The following CAPN3 variants were observed in gnomAD, a reference collection of about 807,000 sequenced individuals.
CAPN3 encodes calpain 3, also known as calpain-3.
CAPN3 carries 88 observed loss-of-function variants against 114.0 expected under a neutral mutation model. That is an observed-to-expected ratio of 0.77 (90% CI 0.65 to 0.92). The LOEUF (loss-of-function observed/expected upper bound fraction) is 0.92. Ranked by LOEUF, CAPN3 falls within the 40% of genes least tolerant of loss-of-function variation. CAPN3 has a pLI of 0.00. For missense variants in CAPN3, 1,028 were observed against 1,069.0 expected (o/e 0.96, Z 0.53); for synonymous variants, 386 against 382.9 (o/e 1.01, Z -0.09).
chr15:42,397,080 C>A (rs2053716007), intron 9 of CAPN3, among the ~76,000 whole-genome samples: 1 of 152,186 alleles, frequency 6.6e-6, no homozygotes, highest in Non-Finnish European at 1.5e-5. Flanking sequence ...CAGGACCAGG[C>A]CAACATGACA....
At chr15:42,372,266 T>TCTCCTGC (rs2052970946) in intron 1 of CAPN3, among the ~76,000 whole-genome samples, 1 of 152,116 alleles carries the variant, frequency 6.6e-6, no homozygotes, top group Non-Finnish European at 1.5e-5. Context: ...TTCAAGCAAT[T>TCTCCTGC]CTCCTGCCTC....
chr15:42,407,118 G>A (rs762363249), intron 15 of CAPN3, among the ~76,000 whole-genome samples: 9 of 152,152 alleles, frequency 5.9e-5, no homozygotes, highest in Non-Finnish European at 1.2e-4. Context: ...CGCATCCACA[G>A]TGTTGGCACC....
At chr15:42,383,120 A>T (rs2141152029) in intron 1 of CAPN3, among the ~76,000 whole-genome samples, 1 of 152,294 alleles carries the variant, frequency 6.6e-6, no homozygotes, top group South Asian at 2.1e-4. Flanking sequence ...GGGGTGTAGC[A>T]TAAGCAAGAC....
intron 11 of CAPN3, 28 bp downstream of exon 11, chr15:42,401,838 A>C: frequency 1.9e-6 from 3 of 1,603,746 alleles, no homozygotes; most frequent in Non-Finnish European, 1.7e-6. Flanking sequence ...GCTCCAGCCC[A>C]GGAAACATAC....
intron 1 of CAPN3, among the ~76,000 whole-genome samples, chr15:42,374,986 A>ATTT (rs2053050804): frequency 3.0e-5 from 4 of 134,026 alleles, no homozygotes; most frequent in Non-Finnish European, 6.3e-5. Context: ...TTTAAATAAA[A>ATTT]ATTTATTTAT....
In CAPN3 at chr15:42,412,251, C is replaced by A; in HGVS notation, c.*478C>A. The A allele has an allele frequency of 6.9e-7, 1 of 1,439,078 alleles. No individual in the cohort carries two copies. Among genetic ancestry groups the A allele is most frequent in the South Asian group, 1.2e-5 (1 of 80,706 alleles). The allele number at this position is 1,439,078 out of a possible 1,614,324, so 89.1% of individuals were successfully genotyped here. ...AATAGGGCTGGTTACTTTGGGCTGT[C>A]CAACTCATAAGTTTGGCTGCATTTT... On this transcript the variant is annotated 3_prime_UTR_variant, in exon 24 of 24. Coordinates refer to ENST00000397163, the MANE Select transcript of CAPN3 (RefSeq NM_000070.3).
At chr15:42,403,878 A>C in intron 14 of CAPN3, 101 bp downstream of exon 14, 1 of 1,055,912 alleles carries the variant, frequency 9.5e-7, no homozygotes, top group Admixed American at 1.7e-5. Context: ...TGGCAGAGGG[A>C]ATGGGAGTCT....
chr15:42,400,305 C>T, intron 10 of CAPN3, among the ~76,000 whole-genome samples: 1 of 152,096 alleles, frequency 6.6e-6, no homozygotes, highest in East Asian at 1.9e-4. Flanking sequence ...ATGATGAAAA[C>T]CTAGACCAAG....
chr15:42,388,341 G>C (rs1467383066), intron 4 of CAPN3, among the ~76,000 whole-genome samples: 2 of 152,182 alleles, frequency 1.3e-5, no homozygotes, highest in African/African-American at 2.4e-5. Flanking sequence ...GTCTCACTCT[G>C]TAATGCAGGC....
At chr15:42,361,310 A>G (rs1251434559) in intron 1 of CAPN3, among the ~76,000 whole-genome samples, 4 of 152,060 alleles carry the variant, frequency 2.6e-5, no homozygotes, top group Non-Finnish European at 4.4e-5. Flanking sequence ...TTTTGTACTA[A>G]AAATTCAAAA....
Position 42,402,139 on chromosome 15 carries a change from T to C in CAPN3, c.1536+4T>C. On this transcript the variant is annotated splice_donor_region_variant and intron_variant, in intron 12 of 23. Coordinates refer to ENST00000397163, the MANE Select transcript of CAPN3 (RefSeq NM_000070.3). ...TCTTCTCAAGGTTCCCAAAGAGGTA[T>C]AGCAGCAGCAGCGGCCAGCAGTTGT... 2 of 1,614,072 alleles carry C rather than the reference T, an allele frequency of 1.2e-6. No individual in the cohort carries two copies. The highest frequency in any genetic ancestry group is 1.7e-6 in the Non-Finnish European group (2 of 1,180,024).
intron 8 of CAPN3, 65 bp from the exon 9 acceptor site, chr15:42,396,735 C>G: frequency 8.0e-7 from 1 of 1,250,126 alleles, no homozygotes; most frequent in South Asian, 1.2e-5. Context: ...CTGATACCTC[C>G]TGTCCCAACC....
chr15:42,383,537 C>G lies in CAPN3; in HGVS notation c.310-946C>G, dbSNP rs183192945. On this transcript the variant is annotated intron_variant, in intron 1 of 23. Coordinates refer to ENST00000397163, the MANE Select transcript of CAPN3 (RefSeq NM_000070.3). Reference sequence around the variant, plus strand: ...CTGGGAGGCAGAGTTTGCAGTGAGCCGAGATCGCGCCACTGTACTCCAGCC... The same window carrying G: ...CTGGGAGGCAGAGTTTGCAGTGAGCGGAGATCGCGCCACTGTACTCCAGCC... 4.3e-3 allele frequency among the ~76,000 whole-genome samples: 654 copies of G among 152,190 alleles called. 1 individual carries two copies. Among genetic ancestry groups the G allele is most frequent in the Middle Eastern group, 0.017 (5 of 294 alleles).
intron 15 of CAPN3, among the ~76,000 whole-genome samples, chr15:42,406,415 T>C (rs2054023479): frequency 6.6e-6 from 1 of 152,026 alleles, no homozygotes; most frequent in South Asian, 2.1e-4. Context: ...ATCACAGGGG[T>C]CCTCCAGGTA....
intron 8 of CAPN3, among the ~76,000 whole-genome samples, chr15:42,396,583 T>C (rs2053699538): frequency 6.6e-6 from 1 of 151,996 alleles, no homozygotes; most frequent in African/African-American, 2.4e-5. Context: ...AAAAGAAGGA[T>C]CAAGCCCTCA....
intron 10 of CAPN3, among the ~76,000 whole-genome samples, chr15:42,401,437 A>G (rs1041375368): frequency 1.3e-5 from 2 of 148,774 alleles, no homozygotes; most frequent in Non-Finnish European, 3.0e-5. Context: ...AAAGCCACAC[A>G]TACAATCAGT....
intron 10 of CAPN3, among the ~76,000 whole-genome samples, 173 bp from the exon 11 acceptor site, chr15:42,401,468 G>A (rs2141198565): frequency 7.9e-6 from 1 of 126,424 alleles, no homozygotes; most frequent in East Asian, 2.3e-4. Flanking sequence ...CTGAATAAAG[G>A]TAGCGCCCCC....
rs80338802 is a variant in CAPN3, at chr15:42,410,926, G to A, written c.2306G>A (p.Arg769Gln). ...NNQLYDIITM[R>Q]YADKHMNIDF... is the part of the protein sequence containing the mutation. ...CAGCTCTATGACATCATTACCATGCGGTACGCAGACAAACACATGAACATC... is the reference window on the plus strand; with the variant it reads ...CAGCTCTATGACATCATTACCATGCAGTACGCAGACAAACACATGAACATC... The change falls in exon 22 of 24, where the codon CGG becomes CAG. Residue 769 changes from arginine to glutamine, a missense_variant. Arg to Gln is a conservative substitution (Grantham distance 43). Coordinates refer to ENST00000397163, the MANE Select transcript of CAPN3 (RefSeq NM_000070.3). 53 of 1,614,058 alleles carry A rather than the reference G, an allele frequency of 3.3e-5. No homozygotes were observed. The highest frequency in any genetic ancestry group is 5.3e-5 in the African/African-American group (4 of 74,918).
intron 1 of CAPN3, among the ~76,000 whole-genome samples, chr15:42,362,794 A>T (rs751180021): frequency 1.2e-4 from 18 of 152,178 alleles, no homozygotes; most frequent in Non-Finnish European, 2.1e-4. Context: ...GAACTTTCTG[A>T]CTGTAAAGCA....
Sources: gnomAD v4.1 joint callset for allele counts (sites outside exome capture counted in the v4.1 genomes callset) on GRCh38, gnomAD v4.1.1 for gene constraint, MANE v1.5 for transcripts, NCBI Gene and HGNC (gene_info 2026-07-23, HGNC 2026-07-21) for gene names.